Variants in SLC12A7 observed in about 807,000 individuals in gnomAD.
SLC12A7 encodes solute carrier family 12 member 7.
In SLC12A7, 100 loss-of-function variants were observed where a neutral mutation model predicts 120.6. The observed-to-expected ratio is 0.83, with a 90% CI of 0.71 to 0.98. The LOEUF (loss-of-function observed/expected upper bound fraction) is 0.98, where lower values mean the gene tolerates loss of function less well. Among genes scored for constraint, SLC12A7 ranks in the 50% least tolerant of loss-of-function variants. The pLI, the probability that SLC12A7 is intolerant of heterozygous loss-of-function variation, is 0.00. For synonymous variants in SLC12A7, 760 were observed against 678.0 expected, an observed-to-expected ratio of 1.12 and a Z score of -1.88; for missense variants, 1,373 against 1,548.1, an observed-to-expected ratio of 0.89 and a Z score of 1.90.
rs747782925 is a variant in SLC12A7 at position 1,104,130 on chromosome 5, C to T, written c.124+7738G>A. Among the ~76,000 whole-genome samples the T allele has an allele frequency of 6.4e-4, 98 of 152,286 alleles. 2 individuals are homozygous for T. The Middle Eastern group carries it at 0.01, about 16-fold the overall frequency. On this transcript the variant is annotated intron_variant, in intron 1 of 23. Transcript: ENST00000264930. Reference sequence around the variant, plus strand: ...CCTGGCCTGGCGCACTTCCCTCCTCCGATTTCCACTCCACTCAATCCCTCC... The same window carrying T: ...CCTGGCCTGGCGCACTTCCCTCCTCTGATTTCCACTCCACTCAATCCCTCC...
chr5:1,102,384 G>A lies in SLC12A7; in HGVS notation c.125-8136C>T, dbSNP rs1187911926. Among the ~76,000 whole-genome samples, 6 of 152,094 alleles carry A rather than the reference G, an allele frequency of 3.9e-5. No individual in the cohort carries two copies. The East Asian group carries it at 9.6e-4, about 24-fold the overall frequency. On this transcript the variant is annotated intron_variant, in intron 1 of 23. Transcript: ENST00000264930. ...CCTCCATCAGCCTCCCTATCTCCAG[G>A]CACAACCTCCTCCCTTTCTCAGTGG...
At chr5:1,138,178 T>C in the SLC12A7 span, among the ~76,000 whole-genome samples, 2 of 146,248 alleles carry the variant, frequency 1.4e-5, no homozygotes, top group East Asian at 3.9e-4. Context: ...GCAAGATTTA[T>C]TGCAAAAGGG....
intron 12 of SLC12A7, 52 bp from the exon 13 acceptor site, chr5:1,076,864 G>C: frequency 7.9e-7 from 1 of 1,273,388 alleles, no homozygotes; most frequent in Non-Finnish European, 1.1e-6. Flanking sequence ...CCTTTTAGGA[G>C]AGAAGCTGCA....
At chr5:1,133,604 TGCTGAC>T in the SLC12A7 span, among the ~76,000 whole-genome samples, 9 of 152,362 alleles carry the variant, frequency 5.9e-5, no homozygotes, top group African/African-American at 1.2e-4. Context: ...CTGTGGCTGC[TGCTGAC>T]GCTGACGCTT....
intron 21 of SLC12A7, among the ~76,000 whole-genome samples, chr5:1,059,425 G>A (rs990706769): frequency 3.9e-5 from 6 of 152,174 alleles, no homozygotes; most frequent in Admixed American, 2.0e-4. Flanking sequence ...CCCTGCCTCC[G>A]CCGTCACTGC....
At chr5:1,131,011 G>C in the SLC12A7 span, among the ~76,000 whole-genome samples, 28 of 152,138 alleles carry the variant, frequency 1.8e-4, no homozygotes, top group African/African-American at 6.8e-4. Flanking sequence ...CCAGGACACA[G>C]AACAGGGAGG....
chr5:1,089,970 G>C (rs1740310386), intron 3 of SLC12A7, among the ~76,000 whole-genome samples: 1 of 152,276 alleles, frequency 6.6e-6, no homozygotes, highest in Non-Finnish European at 1.5e-5. Flanking sequence ...GCCAGCACAA[G>C]GTGACGTTTT....
intron 1 of SLC12A7, among the ~76,000 whole-genome samples, chr5:1,096,759 GGAAGGAAAGGAGGGAGGGGGGGA>G (rs1741222416): frequency 6.0e-5 from 1 of 16,620 alleles, no homozygotes; most frequent in Non-Finnish European, 1.1e-4. Context: ...GAAGGAGGGA[GGAAGGAAAGGAGGGAGGGGGGGA>G]GGGAGGGAAG....
At chr5:1,123,798 G>A in the SLC12A7 span, among the ~76,000 whole-genome samples, 2 of 152,262 alleles carry the variant, frequency 1.3e-5, no homozygotes, top group Non-Finnish European at 2.9e-5. Flanking sequence ...TTGGCAAACT[G>A]AACCCAAATC....
chr5:1,128,754 C>A, the SLC12A7 span, among the ~76,000 whole-genome samples: 1 of 152,198 alleles, frequency 6.6e-6, no homozygotes, highest in Non-Finnish European at 1.5e-5. Flanking sequence ...TGTGTGCATG[C>A]GTGCACACCA....
chr5:1,061,277 GCACCTGCCGTGCAGGATCCCTGAGTCT>G, intron 20 of SLC12A7, among the ~76,000 whole-genome samples: 1 of 12,724 alleles, frequency 7.9e-5, no homozygotes, highest in African/African-American at 8.3e-5. Flanking sequence ...CTCACCCACC[GCACCTGCCGTGCAGGATCCCTGAGTCT>G]CACCCGCCGC....
intron 14 of SLC12A7, 67 bp downstream of exon 14, chr5:1,076,071 A>G: frequency 1.5e-6 from 2 of 1,361,818 alleles, no homozygotes; most frequent in Non-Finnish European, 2.0e-6. Context: ...GAGCGGCCTC[A>G]CCAGTGGCAG....
chr5:1,086,473 C>T (rs1196516484), intron 6 of SLC12A7, among the ~76,000 whole-genome samples: 1 of 152,206 alleles, frequency 6.6e-6, no homozygotes, highest in East Asian at 1.9e-4. Context: ...AAGGTGATGA[C>T]ATCACCTGGT....
intron 1 of SLC12A7, among the ~76,000 whole-genome samples, chr5:1,106,760 G>C (rs1398826751): frequency 6.6e-6 from 1 of 152,228 alleles, no homozygotes; most frequent in Non-Finnish European, 1.5e-5. Flanking sequence ...CAAGAGTCAG[G>C]CTGGGAACCG....
At chr5:1,081,328 G>A (rs552853858) in intron 9 of SLC12A7, among the ~76,000 whole-genome samples, 82 of 152,196 alleles carry the variant, frequency 5.4e-4, no homozygotes, top group African/African-American at 1.8e-3. Flanking sequence ...GCGTGGTACC[G>A]TGTGCCTGGG....
chr5:1,144,689 C>T, the SLC12A7 span, among the ~76,000 whole-genome samples: 1 of 152,244 alleles, frequency 6.6e-6, no homozygotes, highest in Non-Finnish European at 1.5e-5. Context: ...AACACCTGTA[C>T]CACTTCCAGA....
At chr5:1,123,730 TCAAA>T in the SLC12A7 span, among the ~76,000 whole-genome samples, 1 of 152,364 alleles carries the variant, frequency 6.6e-6, no homozygotes, top group East Asian at 1.9e-4. Context: ...GGGGCCTCCA[TCAAA>T]CAGTGTTGCA....
chr5:1,068,312 G>A (rs1211714070), intron 17 of SLC12A7, among the ~76,000 whole-genome samples: 1 of 152,210 alleles, frequency 6.6e-6, no homozygotes, highest in Non-Finnish European at 1.5e-5. Flanking sequence ...GTGGGCACCT[G>A]TAATCCCAGC....
chr5:1,149,266 G>A, the SLC12A7 span, among the ~76,000 whole-genome samples: 6 of 152,018 alleles, frequency 3.9e-5, no homozygotes, highest in African/African-American at 9.7e-5. Context: ...TCACCAACAC[G>A]GTATTGTCCA....
Sources: allele counts gnomAD v4.1 joint callset (sites outside exome capture counted in the v4.1 genomes callset), GRCh38; gene constraint gnomAD v4.1.1; transcripts MANE v1.5; gene names NCBI Gene and HGNC (gene_info 2026-07-23, HGNC 2026-07-21).